UBE2U: variants seen among roughly 807,000 people sequenced by gnomAD.
UBE2U encodes ubiquitin conjugating enzyme E2 U.
In UBE2U, 39 loss-of-function variants were observed where a neutral mutation model predicts 41.2. The observed-to-expected ratio is 0.95, with a 90% CI of 0.73 to 1.24. UBE2U has a LOEUF of 1.24. Among genes scored for constraint, UBE2U ranks in the 50% most tolerant of loss-of-function variants. The pLI, the probability that UBE2U is intolerant of heterozygous loss-of-function variation, is 0.00. For synonymous variants in UBE2U, 107 were observed against 117.8 expected (o/e 0.91, Z 0.60); for missense variants, 336 against 363.1 (o/e 0.93, Z 0.61).
chr1:64,210,723 A>G lies in UBE2U; in HGVS notation c.242-19A>G, dbSNP rs781681553. On this transcript the variant is annotated intron_variant, in intron 3 of 9. Transcript: ENST00000371077. The stretch of plus-strand genomic sequence containing the variant: ...TAATTTATTATAAATGCAAATATTA[A>G]TGTATTATTTTAATACAGTAGACCC... 7.4e-7 allele frequency: 1 copy of G among 1,353,864 alleles called. No individual in the cohort carries two copies. Among genetic ancestry groups the G allele is most frequent in the Non-Finnish European group, 1.0e-6 (1 of 1,003,222 alleles). 83.9% of individuals were successfully genotyped at this position (1,353,864 alleles called of 1,614,324 possible).
intron 1 of UBE2U, among the ~76,000 whole-genome samples, chr1:64,204,674 T>C (rs1189332976): frequency 6.6e-6 from 1 of 152,188 alleles, no homozygotes; most frequent in African/African-American, 2.4e-5. Context: ...CCAATGAGGT[T>C]ATCAATGTCC....
chr1:64,230,413 G>A (rs76889280), intron 6 of UBE2U, among the ~76,000 whole-genome samples: 14 of 152,250 alleles, frequency 9.2e-5, no homozygotes, highest in Non-Finnish European at 1.9e-4. Flanking sequence ...CTAAATTTGA[G>A]GACCCTGCAC....
chr1:64,220,571 A>G (rs534351222), intron 5 of UBE2U, among the ~76,000 whole-genome samples: 2 of 151,490 alleles, frequency 1.3e-5, no homozygotes, highest in African/African-American at 4.8e-5. Flanking sequence ...CAATTCCTGA[A>G]CTGTTTCACA....
At chr1:64,240,823 G>A (rs1208725417) in intron 7 of UBE2U, among the ~76,000 whole-genome samples, 2 of 151,972 alleles carry the variant, frequency 1.3e-5, no homozygotes, top group South Asian at 2.1e-4. Flanking sequence ...GTGCAGTGGC[G>A]CAATCTCAGC....
rs533768078 is a variant in UBE2U at position 64,221,945 on chromosome 1, A to G, written c.506+1038A>G. Among the ~76,000 whole-genome samples, 524 of 152,114 alleles carry G rather than the reference A, an allele frequency of 3.4e-3. 2 individuals are homozygous for G. The highest frequency in any genetic ancestry group is 5.8e-3 in the Non-Finnish European group (392 of 67,970). On this transcript the variant is annotated intron_variant, in intron 6 of 9. Transcript: ENST00000371077. The stretch of plus-strand genomic sequence containing the variant: ...CTAAAAAATACAAAAAAATTAGCCG[A>G]GCGTGGTGACAGCCACCTGTAGTCC...
chr1:64,252,058 G>A (rs1645019444), intron 8 of UBE2U, among the ~76,000 whole-genome samples: 1 of 152,202 alleles, frequency 6.6e-6, no homozygotes, highest in African/African-American at 2.4e-5. Flanking sequence ...CAGCATTCCA[G>A]CCTGCCAGCT....
chr1:64,203,909 T>C lies in UBE2U; in HGVS notation c.-142T>C. On this transcript the variant is annotated 5_prime_UTR_variant, in exon 1 of 10. Coordinates refer to ENST00000371077, the MANE Select transcript of UBE2U (RefSeq NM_001366232.2). ...ATCCCAACTTTAGAAGCCGCTTATCTTGGTACCGTTCTGAGGTTCTAGAAA... is the reference window on the plus strand; with the variant it reads ...ATCCCAACTTTAGAAGCCGCTTATCCTGGTACCGTTCTGAGGTTCTAGAAA... The C allele has an allele frequency of 1.8e-6, 1 of 570,616 alleles. No individual in the cohort carries two copies. Among genetic ancestry groups the C allele is most frequent in the Non-Finnish European group, 3.0e-6 (1 of 338,570 alleles). The allele number at this position is 570,616 out of a possible 1,614,324, so 35.3% of individuals were successfully genotyped here.
chr1:64,232,775 T>C (rs1327881901), intron 7 of UBE2U, 126 bp downstream of exon 7: 2 of 541,292 alleles, frequency 3.7e-6, no homozygotes, highest in Non-Finnish European at 6.4e-6. Flanking sequence ...CTGTAGGCTC[T>C]ATATACTATT....
At chr1:64,209,323 T>G (rs1021915299) in intron 3 of UBE2U, among the ~76,000 whole-genome samples, 1 of 152,086 alleles carries the variant, frequency 6.6e-6, no homozygotes, top group Non-Finnish European at 1.5e-5. Context: ...ACTGCTCTTT[T>G]TTTTTCCCCC....
chr1:64,244,691 G>A (rs1183854287), intron 8 of UBE2U, among the ~76,000 whole-genome samples: 4 of 152,084 alleles, frequency 2.6e-5, no homozygotes, highest in Non-Finnish European at 5.9e-5. Context: ...ACAAGCTCAG[G>A]CATTCACAGT....
intron 8 of UBE2U, among the ~76,000 whole-genome samples, chr1:64,246,479 TTA>T (rs1267590962): frequency 6.6e-6 from 1 of 152,206 alleles, no homozygotes; most frequent in African/African-American, 2.4e-5. Flanking sequence ...AATGCATTTT[TTA>T]AGGAGTGCTA....
chr1:64,264,308 T>C (rs1349018817), intron 9 of UBE2U, among the ~76,000 whole-genome samples: 1 of 152,192 alleles, frequency 6.6e-6, no homozygotes, highest in Non-Finnish European at 1.5e-5. Context: ...CAGTTAGAAT[T>C]TGTGCTTCCA....
intron 6 of UBE2U, among the ~76,000 whole-genome samples, chr1:64,224,493 CGGGT>C (rs1337204354): frequency 6.6e-6 from 1 of 152,046 alleles, no homozygotes; most frequent in Non-Finnish European, 1.5e-5. Flanking sequence ...GAGGCCGAGG[CGGGT>C]GGATCACCTG....
intron 6 of UBE2U, among the ~76,000 whole-genome samples, chr1:64,231,246 G>A (rs548892795): frequency 1.1e-4 from 17 of 152,296 alleles, no homozygotes; most frequent in South Asian, 6.2e-4. Context: ...CAATGGAGAC[G>A]ATTGTGCCTG....
intron 8 of UBE2U, among the ~76,000 whole-genome samples, chr1:64,251,430 T>C (rs979042965): frequency 1.3e-5 from 2 of 152,116 alleles, no homozygotes; most frequent in Non-Finnish European, 2.9e-5. Context: ...TCTCAATAGA[T>C]GAAAAGAAAT....
At chr1:64,224,722 C>CAA (rs5774690) in intron 6 of UBE2U, among the ~76,000 whole-genome samples, 82 of 133,220 alleles carry the variant, frequency 6.2e-4, no homozygotes, top group Middle Eastern at 7.6e-3. Context: ...GACTCTGTGT[C>CAA]AAAAAAAAAA....
chr1:64,205,072 T>C (rs1651209887), intron 1 of UBE2U, among the ~76,000 whole-genome samples: 1 of 152,222 alleles, frequency 6.6e-6, no homozygotes, highest in Non-Finnish European at 1.5e-5. Context: ...ATGTGGATGC[T>C]CAGAAGTGTT....
intron 7 of UBE2U, among the ~76,000 whole-genome samples, chr1:64,239,147 GAA>G (rs1365630441): frequency 1.1e-4 from 3 of 27,000 alleles, no homozygotes; most frequent in Non-Finnish European, 2.0e-4. Flanking sequence ...AGAAGAAGAA[GAA>G]GAAGAAGAAA....
intron 7 of UBE2U, among the ~76,000 whole-genome samples, chr1:64,236,263 G>A (rs1644665140): frequency 6.6e-6 from 1 of 152,112 alleles, no homozygotes; most frequent in South Asian, 2.1e-4. Flanking sequence ...TAATTCGGTA[G>A]GCTGTGGTCC....
Sources: allele counts gnomAD v4.1 joint callset (sites outside exome capture counted in the v4.1 genomes callset), GRCh38; gene constraint gnomAD v4.1.1; transcripts MANE v1.5; gene names NCBI Gene and HGNC (gene_info 2026-07-23, HGNC 2026-07-21).